The following AVEN variants were observed in gnomAD, a reference collection of about 807,000 sequenced individuals.
AVEN encodes cell death regulator Aven.
A neutral mutation model predicts 38.1 loss-of-function variants in AVEN; 41 were observed. That is an observed-to-expected ratio of 1.08 (90% CI 0.84 to 1.40). The LOEUF (loss-of-function observed/expected upper bound fraction) is 1.40. AVEN is among the 40% of genes most tolerant of loss of function. The pLI is 0.00. For synonymous variants in AVEN, 206 were observed against 171.8 expected (o/e 1.20, Z -1.56); for missense variants, 605 against 438.8 (o/e 1.38, Z -3.38).
intron 2 of AVEN, among the ~76,000 whole-genome samples, chr15:33,914,320 T>C (rs1023347572): frequency 6.6e-6 from 1 of 152,266 alleles, no homozygotes; most frequent in East Asian, 1.9e-4. Context: ...ATTAAAACAG[T>C]GTGTAGCACG....
At chr15:33,999,826 A>G (rs2140611323) in intron 2 of AVEN, among the ~76,000 whole-genome samples, 1 of 152,242 alleles carries the variant, frequency 6.6e-6, no homozygotes, top group East Asian at 1.9e-4. Flanking sequence ...TCCTTCCAAC[A>G]CAGCAGAGTG....
chr15:33,975,167 T>A (rs1460475971), intron 2 of AVEN, among the ~76,000 whole-genome samples: 2 of 152,132 alleles, frequency 1.3e-5, no homozygotes, highest in Non-Finnish European at 2.9e-5. Flanking sequence ...CTACACTCTC[T>A]CCTCCACACG....
chr15:33,994,530 T>C lies in AVEN; in HGVS notation c.445+8502A>G, dbSNP rs865774049. On this transcript the variant is annotated intron_variant, in intron 2 of 5. Transcript: ENST00000306730. ...ATCCTCACCCTGGTCTGTGGAAAAATTGTCTTCCACAAAACCGGTCCCTGG... is the reference window on the plus strand; with the variant it reads ...ATCCTCACCCTGGTCTGTGGAAAAACTGTCTTCCACAAAACCGGTCCCTGG... Among the ~76,000 whole-genome samples the C allele has an allele frequency of 3.3e-5, 5 of 152,050 alleles. 1 individual carries two copies. The South Asian group carries it at 8.3e-4, about 25-fold the overall frequency.
chr15:34,063,462 C>T lies in AVEN; in HGVS notation n.1127-30G>A, dbSNP rs540440299. On this transcript the variant is annotated intron_variant and non_coding_transcript_variant, in intron 4 of 11. Coordinates refer to the AVEN transcript ENST00000675287. The surrounding 1 kb of genome is among the most constrained non-coding windows in gnomAD (Gnocchi z 4.1). ...GAAGAGAAAGCCAGCTCATAGGGCT[C>T]TGTTCAGATCCTGCTTGCGCTGTCC... The T allele has an allele frequency of 6.8e-6, 11 of 1,613,894 alleles. No individual in the cohort carries two copies. The East Asian group carries it at 2.2e-4, about 33-fold the overall frequency.
At chr15:34,016,143 G>A (rs1360970220) in intron 1 of AVEN, among the ~76,000 whole-genome samples, 1 of 152,174 alleles carries the variant, frequency 6.6e-6, no homozygotes, top group Non-Finnish European at 1.5e-5. Flanking sequence ...GGGCATGGTG[G>A]TGCACGCCTG....
At chr15:33,899,353 G>T (rs1892384894) in intron 2 of AVEN, among the ~76,000 whole-genome samples, 2 of 150,966 alleles carry the variant, frequency 1.3e-5, no homozygotes, top group African/African-American at 4.9e-5. Context: ...GGTCCTCAAA[G>T]ATTTTGCTAT....
chr15:33,973,115 C>A (rs1235143816), intron 2 of AVEN, among the ~76,000 whole-genome samples: 1 of 152,128 alleles, frequency 6.6e-6, no homozygotes, highest in Non-Finnish European at 1.5e-5. Context: ...GAATCTGGAC[C>A]AATCAGAAAA....
downstream of AVEN, chr15:33,865,929 C>CTGCTGT (rs1477753084): frequency 1.3e-5 from 2 of 152,628 alleles, no homozygotes; most frequent in African/African-American, 2.4e-5. Flanking sequence ...TGTCAGTCAA[C>CTGCTGT]TGCTGTTATT....
chr15:34,018,664 G>A (rs889952537), intron 1 of AVEN, among the ~76,000 whole-genome samples: 2 of 152,208 alleles, frequency 1.3e-5, no homozygotes, highest in Non-Finnish European at 2.9e-5. Context: ...TCCACAGAAT[G>A]GAAAGGGACT....
intron 1 of AVEN, among the ~76,000 whole-genome samples, chr15:34,033,194 A>T (rs986589445): frequency 6.6e-4 from 101 of 152,268 alleles, no homozygotes; most frequent in African/African-American, 2.0e-3. Flanking sequence ...ATTCACAATG[A>T]AGTTTTACCT....
chr15:34,003,327 C>T (rs1897213201), intron 1 of AVEN, 118 bp from the exon 2 acceptor site: 5 of 802,344 alleles, frequency 6.2e-6, no homozygotes, highest in Admixed American at 2.8e-5. Flanking sequence ...ACCAAGCTGT[C>T]TGAAGATATT....
At chr15:33,928,674 A>G (rs936266532) in intron 2 of AVEN, among the ~76,000 whole-genome samples, 9 of 152,188 alleles carry the variant, frequency 5.9e-5, no homozygotes, top group Non-Finnish European at 1.0e-4. Flanking sequence ...TTGCCACATG[A>G]ACCCAGAAGC....
intron 11 of AVEN, chr15:33,859,829 A>T: frequency 3.1e-6 from 4 of 1,273,502 alleles, no homozygotes; most frequent in Non-Finnish European, 4.3e-6. Flanking sequence ...GAAGCGTGTG[A>T]ATTCATTTAC....
At chr15:33,869,087 G>A (rs1002966223) in intron 4 of AVEN, among the ~76,000 whole-genome samples, 13 of 152,148 alleles carry the variant, frequency 8.5e-5, no homozygotes, top group African/African-American at 3.1e-4. Context: ...AAGACGGTAT[G>A]GCTTTATATA....
At chr15:33,956,077 C>T (rs591420) in intron 2 of AVEN, among the ~76,000 whole-genome samples, 150,042 of 152,292 alleles carry the variant, frequency 0.99, 73,948 homozygotes, top group East Asian at 1. Flanking sequence ...GTGACTCCCT[C>T]GGGCTGTTAT....
downstream of AVEN, chr15:33,865,256 G>C (rs573924606): frequency 2.6e-4 from 395 of 1,508,146 alleles, no homozygotes; most frequent in Non-Finnish European, 3.5e-4. Flanking sequence ...GACAATTCTG[G>C]ACAGTCAACT....
At chr15:33,937,396 G>A (rs1449335003) in intron 2 of AVEN, among the ~76,000 whole-genome samples, 3 of 151,698 alleles carry the variant, frequency 2.0e-5, no homozygotes, top group Non-Finnish European at 4.4e-5. Context: ...AGCCGGGCGT[G>A]GTGGCAGGCG....
chr15:33,942,246 A>AT (rs918754007), intron 2 of AVEN, among the ~76,000 whole-genome samples: 1 of 152,100 alleles, frequency 6.6e-6, no homozygotes, highest in South Asian at 2.1e-4. Flanking sequence ...TTAAGATCAC[A>AT]TTTTTTTATA....
intron 5 of AVEN, among the ~76,000 whole-genome samples, chr15:34,055,362 G>C (rs985574671): frequency 6.6e-6 from 1 of 151,910 alleles, no homozygotes; most frequent in African/African-American, 2.4e-5. Context: ...ATAATTATCT[G>C]TGTGTGGTGG....
Sources: allele counts gnomAD v4.1 joint callset (sites outside exome capture counted in the v4.1 genomes callset), GRCh38; gene constraint gnomAD v4.1.1; non-coding constraint Gnocchi (gnomAD v3.1); transcripts MANE v1.5; gene names NCBI Gene and HGNC (gene_info 2026-07-23, HGNC 2026-07-21).